The following GRM7 variants were observed in gnomAD, a reference collection of about 807,000 sequenced individuals.
GRM7 encodes the protein metabotropic glutamate receptor 7.
Under a neutral mutation model 84.5 loss-of-function variants are expected in GRM7, and 35 were observed. The observed-to-expected ratio is 0.41, with a 90% CI of 0.32 to 0.55. The LOEUF (loss-of-function observed/expected upper bound fraction) is 0.55, where lower values mean the gene tolerates loss of function less well. Among genes scored for constraint, GRM7 ranks in the 20% least tolerant of loss-of-function variants. GRM7 has a pLI of 0.19. For synonymous variants in GRM7, 487 were observed against 455.1 expected (o/e 1.07, Z -0.89); for missense variants, 1,003 against 1,194.6 (o/e 0.84, Z 2.36).
At chr3:7,332,568 T>G (rs183410661) in intron 4 of GRM7, among the ~76,000 whole-genome samples, 1 of 152,196 alleles carries the variant, frequency 6.6e-6, no homozygotes, top group Non-Finnish European at 1.5e-5. Flanking sequence ...AAAGATCTTT[T>G]CCTTGAGTTA....
intron 4 of GRM7, among the ~76,000 whole-genome samples, chr3:7,403,464 A>G (rs1695538043): frequency 6.6e-6 from 1 of 151,210 alleles, no homozygotes; most frequent in South Asian, 2.1e-4. Flanking sequence ...TATAATCTCT[A>G]TGTAGCAGAA....
intron 4 of GRM7, among the ~76,000 whole-genome samples, chr3:7,352,100 C>T (rs1455911016): frequency 7.0e-6 from 1 of 143,672 alleles, no homozygotes; most frequent in Non-Finnish European, 1.5e-5. Context: ...CACACACACA[C>T]TCATATTCTA....
At chr3:7,143,475 C>T (rs972470699) in intron 1 of GRM7, among the ~76,000 whole-genome samples, 4 of 152,102 alleles carry the variant, frequency 2.6e-5, no homozygotes, top group African/African-American at 9.7e-5. Flanking sequence ...AGGGTATACA[C>T]ATGATCCTAA....
chr3:7,012,095 A>G (rs950152235), intron 1 of GRM7, among the ~76,000 whole-genome samples: 5 of 151,964 alleles, frequency 3.3e-5, no homozygotes, highest in Admixed American at 2.0e-4. Flanking sequence ...GAGTACCCTG[A>G]CTCTTGGTTT....
intron 1 of GRM7, among the ~76,000 whole-genome samples, chr3:6,902,888 C>A: frequency 6.6e-6 from 1 of 151,482 alleles, no homozygotes; most frequent in Non-Finnish European, 1.5e-5. Flanking sequence ...CACACCCCTA[C>A]TCTAGAGAAT....
At chr3:7,283,458 A>C (rs964638788) in intron 2 of GRM7, among the ~76,000 whole-genome samples, 16 of 152,290 alleles carry the variant, frequency 1.1e-4, no homozygotes, top group African/African-American at 3.6e-4. Flanking sequence ...GTTCAGACAC[A>C]CAAATAGTAT....
intron 4 of GRM7, among the ~76,000 whole-genome samples, chr3:7,313,698 A>G (rs1243147738): frequency 6.6e-6 from 1 of 152,180 alleles, no homozygotes; most frequent in African/African-American, 2.4e-5. Flanking sequence ...TGCTATTAAT[A>G]TATATCCCTA....
At chr3:7,420,144 T>G (rs1265463477) in intron 5 of GRM7, among the ~76,000 whole-genome samples, 1 of 152,172 alleles carries the variant, frequency 6.6e-6, no homozygotes, top group Non-Finnish European at 1.5e-5. Context: ...ATTTCTTAAG[T>G]CTTTTATTTT....
intron 9 of GRM7, chr3:7,693,507 A>AT: frequency 1.5e-6 from 1 of 687,484 alleles, no homozygotes; most frequent in Non-Finnish European, 2.6e-6. Flanking sequence ...AAAATGCTAC[A>AT]TTTTTGTTCT....
chr3:7,119,134 C>A (rs568639910), intron 1 of GRM7, among the ~76,000 whole-genome samples: 5 of 152,098 alleles, frequency 3.3e-5, no homozygotes, highest in East Asian at 3.9e-4. Flanking sequence ...TATGAGTGTG[C>A]GTGTTTGTGA....
chr3:7,076,664 T>C (rs749414439), intron 1 of GRM7, among the ~76,000 whole-genome samples: 3 of 152,096 alleles, frequency 2.0e-5, no homozygotes, highest in Non-Finnish European at 2.9e-5. Flanking sequence ...CTGTAAACAC[T>C]CCTTAGGCAA....
intron 9 of GRM7, among the ~76,000 whole-genome samples, chr3:7,735,472 T>C (rs1477481079): frequency 1.4e-5 from 2 of 146,672 alleles, no homozygotes; most frequent in African/African-American, 2.6e-5. Flanking sequence ...CTATTTCTTT[T>C]TTGATTTGCT....
intron 2 of GRM7, among the ~76,000 whole-genome samples, chr3:7,256,140 C>T (rs748623561): frequency 6.6e-6 from 1 of 152,160 alleles, no homozygotes; most frequent in Non-Finnish European, 1.5e-5. Flanking sequence ...TTGCAATGAA[C>T]TTTCCCCAGA....
intron 1 of GRM7, among the ~76,000 whole-genome samples, chr3:7,074,679 G>C (rs545128579): frequency 9.9e-5 from 15 of 152,104 alleles, no homozygotes; most frequent in Admixed American, 3.9e-4. Flanking sequence ...TCAGTGACAG[G>C]CTGGAGAATT....
At chr3:7,014,052 A>T (rs1209324840) in intron 1 of GRM7, among the ~76,000 whole-genome samples, 1 of 152,178 alleles carries the variant, frequency 6.6e-6, no homozygotes, top group African/African-American at 2.4e-5. Flanking sequence ...GGTGGGGGCA[A>T]GAATATGTGT....
intron 2 of GRM7, among the ~76,000 whole-genome samples, chr3:7,174,675 C>A (rs898050349): frequency 6.6e-6 from 1 of 152,160 alleles, no homozygotes; most frequent in Non-Finnish European, 1.5e-5. Context: ...CTGAGTTTGG[C>A]TGGCAAATAG....
At chr3:7,173,891 T>C (rs1695063385) in intron 2 of GRM7, among the ~76,000 whole-genome samples, 1 of 152,238 alleles carries the variant, frequency 6.6e-6, no homozygotes, top group Admixed American at 6.5e-5. Flanking sequence ...TAAGACATTT[T>C]TTATTTTGCT....
intron 8 of GRM7, among the ~76,000 whole-genome samples, chr3:7,594,216 T>A (rs958976263): frequency 6.6e-6 from 1 of 152,154 alleles, no homozygotes; most frequent in Non-Finnish European, 1.5e-5. Context: ...CTAGGCTTTT[T>A]AAAAAAATCC....
At chr3:7,331,057 GA>G (rs1186249196) in intron 4 of GRM7, among the ~76,000 whole-genome samples, 1 of 152,092 alleles carries the variant, frequency 6.6e-6, no homozygotes, top group African/African-American at 2.4e-5. Context: ...ATGAATATCT[GA>G]AAATCACCTT....
Sources: allele counts gnomAD v4.1 joint callset (sites outside exome capture counted in the v4.1 genomes callset), GRCh38; gene constraint gnomAD v4.1.1; transcripts MANE v1.5; gene names NCBI Gene and HGNC (gene_info 2026-07-23, HGNC 2026-07-21).